The following RNF6 variants were observed in gnomAD, a reference collection of about 807,000 sequenced individuals.
RNF6 encodes E3 ubiquitin-protein ligase RNF6.
Under a neutral mutation model 50.1 loss-of-function variants are expected in RNF6, and 21 were observed. That is an observed-to-expected ratio of 0.42 (90% CI 0.30 to 0.60). The LOEUF is 0.60. Ranked by LOEUF, RNF6 falls within the 20% of genes least tolerant of loss-of-function variation. The pLI, the probability that RNF6 is intolerant of heterozygous loss-of-function variation, is 0.20. For synonymous variants in RNF6, 255 were observed against 291.8 expected (o/e 0.87, Z 1.29); for missense variants, 698 against 838.2 (o/e 0.83, Z 2.07).
At chr13:26,157,918 GGATGGATA>G (rs1161296405) in intron 5 of RNF6, among the ~76,000 whole-genome samples, 2 of 149,602 alleles carry the variant, frequency 1.3e-5, no homozygotes, top group African/African-American at 2.5e-5. Flanking sequence ...ATGGATGGAT[GGATGGATA>G]GATGGATAGA....
At chr13:26,186,528 G>T (rs1364889803) in intron 5 of RNF6, among the ~76,000 whole-genome samples, 1 of 152,204 alleles carries the variant, frequency 6.6e-6, no homozygotes, top group East Asian at 1.9e-4. Context: ...TAGGGCGCGC[G>T]CACACACATG....
chr13:26,163,019 AC>A (rs1872282566), intron 5 of RNF6, among the ~76,000 whole-genome samples: 1 of 152,246 alleles, frequency 6.6e-6, no homozygotes, highest in South Asian at 2.1e-4. Flanking sequence ...TTCAACAATT[AC>A]CAACTTGTGG....
At chr13:26,132,187 C>A in exon 6 of RNF6, 2 of 233,036 alleles carry the variant, frequency 8.6e-6, no homozygotes, top group East Asian at 1.1e-4. Context: ...TCCATAGATG[C>A]TTCAGGGTAT....
intron 5 of RNF6, among the ~76,000 whole-genome samples, chr13:26,160,485 A>G (rs1393549873): frequency 1.3e-5 from 2 of 150,306 alleles, no homozygotes; most frequent in Admixed American, 6.6e-5. Flanking sequence ...CAGCCTCCCA[A>G]GTAGCTGGGA....
chr13:26,188,186 G>A (rs777548981), intron 5 of RNF6, among the ~76,000 whole-genome samples: 12 of 152,172 alleles, frequency 7.9e-5, no homozygotes, highest in East Asian at 1.9e-4. Flanking sequence ...GCTCCAAGGC[G>A]AAGTGACCTC....
chr13:26,195,946 G>A (rs1043805574), intron 5 of RNF6, among the ~76,000 whole-genome samples: 2 of 151,970 alleles, frequency 1.3e-5, no homozygotes, highest in Admixed American at 6.6e-5. Flanking sequence ...ATAAACCCAA[G>A]GTCTAATGGA....
intron 5 of RNF6, among the ~76,000 whole-genome samples, chr13:26,167,496 C>T (rs755369416): frequency 4.6e-5 from 7 of 152,020 alleles, no homozygotes; most frequent in Non-Finnish European, 7.4e-5. Flanking sequence ...AAAACCATAA[C>T]GAGATACCAT....
At chr13:26,145,283 G>T (rs796730779) in intron 5 of RNF6, among the ~76,000 whole-genome samples, 2 of 152,224 alleles carry the variant, frequency 1.3e-5, no homozygotes, top group African/African-American at 4.8e-5. Context: ...AGATCTATTT[G>T]TCTTACGCTC....
chr13:26,206,916 TAA>T (rs56875324), intron 5 of RNF6, among the ~76,000 whole-genome samples: 4 of 148,544 alleles, frequency 2.7e-5, no homozygotes, highest in Non-Finnish European at 6.0e-5. Flanking sequence ...CCTTCCTCCT[TAA>T]AAAAAAAAAA....
chr13:26,159,453 T>A (rs931581002), intron 5 of RNF6, among the ~76,000 whole-genome samples: 2 of 151,850 alleles, frequency 1.3e-5, no homozygotes, highest in Admixed American at 1.3e-4. Context: ...TGAAACGCCG[T>A]CTCTACTAAA....
chr13:26,190,732 G>C (rs1868421802), intron 5 of RNF6, among the ~76,000 whole-genome samples: 1 of 152,132 alleles, frequency 6.6e-6, no homozygotes, highest in Non-Finnish European at 1.5e-5. Context: ...TATGATATGT[G>C]GGTGCTATTC....
intron 5 of RNF6, among the ~76,000 whole-genome samples, chr13:26,146,163 C>T (rs1026712593): frequency 1.3e-5 from 2 of 152,152 alleles, no homozygotes; most frequent in African/African-American, 4.8e-5. Flanking sequence ...GGCTATAGAT[C>T]CCTTTGGGGA....
At chr13:26,136,825 A>G (rs141017693) in intron 5 of RNF6, among the ~76,000 whole-genome samples, 2,095 of 152,288 alleles carry the variant, frequency 0.014, 24 homozygotes, top group Non-Finnish European at 0.024. Flanking sequence ...AAAAAACACA[A>G]TGAGAAAACT....
chr13:26,182,394 A>G (rs1295697755), intron 5 of RNF6, among the ~76,000 whole-genome samples: 2 of 152,224 alleles, frequency 1.3e-5, no homozygotes, highest in African/African-American at 4.8e-5. Flanking sequence ...GCCCTCCTCA[A>G]TGAATCACAT....
At chr13:26,219,308 T>G in intron 3 of RNF6, 149 bp downstream of exon 3, 1 of 637,132 alleles carries the variant, frequency 1.6e-6, no homozygotes, top group Non-Finnish European at 2.5e-6. Flanking sequence ...TTCTACTTTA[T>G]TATACTAAAA....
Position 26,213,167 on chromosome 13 carries a change from A to G in RNF6, c.*657T>C, listed in dbSNP as rs1425696590. The G allele has an allele frequency of 6.6e-6, 1 of 152,610 alleles. No individual in the cohort carries two copies. The highest frequency in any genetic ancestry group is 1.5e-5 in the Non-Finnish European group (1 of 68,016). 9.5% of individuals were successfully genotyped at this position (152,610 alleles called of 1,614,324 possible). On this transcript the variant is annotated 3_prime_UTR_variant, in exon 5 of 5. Transcript: ENST00000381588. ...AGTAAATTATCTCTACTTTAAAATT[A>G]TATCTGAATCCCCTTTCTCTGAGAT...
chr13:26,170,025 G>T lies in RNF6; in HGVS notation n.769-37574C>A, dbSNP rs576707928. Among the ~76,000 whole-genome samples, 36 of 152,250 alleles carry T rather than the reference G, an allele frequency of 2.4e-4. No homozygotes were observed. The South Asian group carries it at 7.5e-3, about 32-fold the overall frequency. ...TGGGATTTTTCTTTTTTTGCAAAAA[G>T]ATTAAAGTGAGTTTTGTTTGTTTTT... On this transcript the variant is annotated intron_variant and non_coding_transcript_variant, in intron 5 of 5. Transcript: ENST00000468480.
intron 5 of RNF6, among the ~76,000 whole-genome samples, chr13:26,206,487 T>G (rs1381117471): frequency 1.3e-5 from 2 of 152,214 alleles, no homozygotes; most frequent in Non-Finnish European, 2.9e-5. Flanking sequence ...TTGTTAACTT[T>G]CAGGACCATT....
intron 4 of RNF6, 72 bp downstream of exon 4, chr13:26,218,439 C>A (rs1191741915): frequency 2.1e-5 from 25 of 1,168,674 alleles, no homozygotes; most frequent in Non-Finnish European, 3.1e-5. Context: ...ACATACTATA[C>A]AAGGTCTAAG....
Sources: allele counts gnomAD v4.1 joint callset (sites outside exome capture counted in the v4.1 genomes callset), GRCh38; gene constraint gnomAD v4.1.1; transcripts MANE v1.5; gene names NCBI Gene and HGNC (gene_info 2026-07-23, HGNC 2026-07-21).